SPIN2A: variants seen among roughly 807,000 people sequenced by gnomAD.
SPIN2A encodes the protein spindlin-2A.
In SPIN2A, 4 loss-of-function variants were observed where a neutral mutation model predicts 9.2. The ratio of observed to expected loss-of-function variants is 0.44; its 90% CI spans 0.21 to 1.00. SPIN2A has a LOEUF of 1.00. SPIN2A is among the 50% of genes least tolerant of loss of function. The probability of loss-of-function intolerance (pLI) is 0.26; values close to 1 mark genes in which losing one functional copy is unlikely to be tolerated. For synonymous variants in SPIN2A, 25 were observed against 61.2 expected (o/e 0.41, Z 2.76); for missense variants, 77 against 172.8 (o/e 0.45, Z 3.11).
chrX:57,136,896 G>T, intron 1 of SPIN2A: 2 of 682,206 alleles, frequency 2.9e-6, no homozygotes, highest in Non-Finnish European at 4.2e-6. Context: ...ACCCTTTACT[G>T]CCACTAGCAT....
At chrX:57,143,814 A>G in the SPIN2A span, among the ~76,000 whole-genome samples, 1 of 111,759 alleles carries the variant, frequency 8.9e-6, no homozygotes, top group African/African-American at 3.3e-5. Context: ...TTTAGTCTTC[A>G]CAGTAAAGAT....
the SPIN2A span, among the ~76,000 whole-genome samples, chrX:57,144,849 A>G: frequency 9.1e-6 from 1 of 109,807 alleles, no homozygotes; most frequent in Non-Finnish European, 1.9e-5. Flanking sequence ...AATGCCGTTA[A>G]TTCATTCCTT....
the SPIN2A span, among the ~76,000 whole-genome samples, chrX:57,142,822 C>T: frequency 9.0e-6 from 1 of 111,354 alleles, no homozygotes; most frequent in Non-Finnish European, 1.9e-5. Context: ...ATTATTATAT[C>T]CTCTGCTGTA....
At chrX:57,143,323 G>T in the SPIN2A span, among the ~76,000 whole-genome samples, 1 of 110,403 alleles carries the variant, frequency 9.1e-6, no homozygotes, top group Non-Finnish European at 1.9e-5. Context: ...CTATTCTAAC[G>T]AATTGCTTTA....
At chrX:57,134,441 G>T (rs1473862328), downstream of SPIN2A, 3 of 111,158 alleles carry the variant, frequency 2.7e-5, no homozygotes, top group Non-Finnish European at 5.7e-5. Context: ...TGGGACAGCA[G>T]GTTTCTTTTA....
the SPIN2A span, among the ~76,000 whole-genome samples, chrX:57,143,664 C>T: frequency 9.1e-6 from 1 of 109,987 alleles, no homozygotes; most frequent in South Asian, 4.0e-4. Flanking sequence ...TTTTGGTAGA[C>T]AGGGGGTTTC....
At chrX:57,147,038 T>C in the SPIN2A span, among the ~76,000 whole-genome samples, 3 of 111,414 alleles carry the variant, frequency 2.7e-5, no homozygotes, top group Non-Finnish European at 5.7e-5. Context: ...TTCTTGGTTA[T>C]GTCTTTTCCC....
At chrX:57,135,619 T>C (rs1927670656), downstream of SPIN2A, 3 of 927,866 alleles carry the variant, frequency 3.2e-6, no homozygotes, top group African/African-American at 2.0e-5. Context: ...CCCGAACTTT[T>C]CAACAAGACA....
At chrX:57,141,159 T>TTCA (rs1170668080), upstream of SPIN2A, among the ~76,000 whole-genome samples, 3 of 112,109 alleles carry the variant, frequency 2.7e-5, no homozygotes, top group African/African-American at 9.7e-5. Context: ...GATGTTAAAT[T>TTCA]TCATTGAATT....
upstream of SPIN2A, among the ~76,000 whole-genome samples, chrX:57,138,378 A>T (rs1264295121): frequency 9.0e-6 from 1 of 110,945 alleles, no homozygotes; most frequent in Non-Finnish European, 1.9e-5. Context: ...AAAGTTAAAT[A>T]AGTGTTAGGT....
upstream of SPIN2A, among the ~76,000 whole-genome samples, chrX:57,140,975 T>A (rs1927987529): frequency 8.9e-6 from 1 of 111,869 alleles, no homozygotes; most frequent in Admixed American, 9.5e-5. Context: ...ATGAAACTAA[T>A]TTTTTTGTGT....
At chrX:57,142,639 T>C in the SPIN2A span, among the ~76,000 whole-genome samples, 1 of 111,606 alleles carries the variant, frequency 9.0e-6, no homozygotes, top group Non-Finnish European at 1.9e-5. Flanking sequence ...ATGGTGCAGA[T>C]TAAGTCTGAT....
chrX:57,146,387 C>T, the SPIN2A span, among the ~76,000 whole-genome samples: 1 of 111,556 alleles, frequency 9.0e-6, no homozygotes, highest in Non-Finnish European at 1.9e-5. Context: ...TGGTGTATAG[C>T]AGAGCTACTG....
At chrX:57,143,057 C>A in the SPIN2A span, among the ~76,000 whole-genome samples, 1 of 111,188 alleles carries the variant, frequency 9.0e-6, no homozygotes, top group African/African-American at 3.3e-5. Context: ...TTTTTTGATT[C>A]ATTCAGCCAC....
chrX:57,139,701 G>A (rs1030348615), upstream of SPIN2A, among the ~76,000 whole-genome samples: 9 of 111,349 alleles, frequency 8.1e-5, no homozygotes, highest in South Asian at 7.6e-4. Flanking sequence ...TGATCCGCCC[G>A]CCTTGGCCTC....
chrX:57,142,649 T>C, the SPIN2A span, among the ~76,000 whole-genome samples: 1 of 111,450 alleles, frequency 9.0e-6, no homozygotes, highest in Non-Finnish European at 1.9e-5. Flanking sequence ...TTAAGTCTGA[T>C]ATTTCTTTGT....
At chrX:57,142,257 C>T (rs979849352), upstream of SPIN2A, among the ~76,000 whole-genome samples, 2 of 111,632 alleles carry the variant, frequency 1.8e-5, no homozygotes, top group African/African-American at 6.5e-5. Context: ...AGTCTTTCCT[C>T]TTAGTATTGC....
rs1432223061 is a variant in SPIN2A, at chrX:57,136,352, AAG to A, written c.244_245del (p.Tyr83SerfsTer5). On this transcript the variant is annotated frameshift_variant, in exon 2 of 2. Coordinates refer to ENST00000374906, the MANE Select transcript of SPIN2A (RefSeq NM_019003.5). LOFTEE classifies it high-confidence loss of function. Reference protein sequence around the residue: ...VLDQVPINPSLYLVKYDGIDC... With the variant: ...VLDQVPINPSXYLVKYDGIDC... ...CAATTCCATCATATTTCACCAGATA[AAG>A]AGAGGGATTTATAGGCACCTGATCC... 1.3e-5 allele frequency: 14 copies of A among 1,109,748 alleles called. No homozygotes were observed. The highest frequency in any genetic ancestry group is 2.6e-5 in the African/African-American group (1 of 38,667). The allele number at this position is 1,109,748 out of a possible 1,213,427, so 91.5% of individuals were successfully genotyped here.
chrX:57,134,467 G>A (rs1222818034), downstream of SPIN2A: 2 of 110,736 alleles, frequency 1.8e-5, no homozygotes, highest in Non-Finnish European at 3.8e-5. Flanking sequence ...TCGTTGGTCG[G>A]AGCCACCTAT....
Sources: gnomAD v4.1 joint callset for allele counts (sites outside exome capture counted in the v4.1 genomes callset) on GRCh38, gnomAD v4.1.1 for gene constraint, MANE v1.5 for transcripts, NCBI Gene and HGNC (gene_info 2026-07-23, HGNC 2026-07-21) for gene names.